TRABD2B: variants seen among roughly 807,000 people sequenced by gnomAD.
The protein encoded by TRABD2B is TraB domain containing 2B.
A neutral mutation model predicts 40.1 loss-of-function variants in TRABD2B; 14 were observed. The ratio of observed to expected loss-of-function variants is 0.35; its 90% confidence interval spans 0.23 to 0.55. The LOEUF is 0.55. Among genes scored for constraint, TRABD2B ranks in the 20% least tolerant of loss-of-function variants. The pLI, the probability that TRABD2B is intolerant of heterozygous loss-of-function variation, is 0.90. For missense variants in TRABD2B, 541 were observed against 648.6 expected (o/e 0.83, Z 1.80); for synonymous variants, 263 against 277.0 (o/e 0.95, Z 0.50).
intron 2 of TRABD2B, among the ~76,000 whole-genome samples, chr1:47,953,503 C>T (rs185383661): frequency 1.3e-4 from 20 of 152,224 alleles, no homozygotes; most frequent in East Asian, 1.9e-4. Context: ...CTAAAAGCTC[C>T]GTCCTACCAT....
At chr1:47,815,012 G>C (rs1005549860) in intron 2 of TRABD2B, among the ~76,000 whole-genome samples, 2 of 152,148 alleles carry the variant, frequency 1.3e-5, no homozygotes, top group African/African-American at 2.4e-5. Context: ...GCCCCAGAGA[G>C]GGCAGCAAAG....
At chr1:47,962,089 C>G (rs190497495) in intron 2 of TRABD2B, among the ~76,000 whole-genome samples, 1 of 152,158 alleles carries the variant, frequency 6.6e-6, no homozygotes, top group East Asian at 1.9e-4. Context: ...TGGAAACCAT[C>G]ATTCTCAGCA....
In TRABD2B at chr1:47,914,273, C is replaced by A. The variant is rs557602213; in HGVS notation, c.666+79761G>T. Among the ~76,000 whole-genome samples, 573 of 152,358 alleles carry A rather than the reference C, an allele frequency of 3.8e-3. 3 individuals carry two copies. Among genetic ancestry groups the A allele is most frequent in the African/African-American group, 0.013 (551 of 41,592 alleles). ...TGGTTGAGAACTAGCCCAGGGAATG[C>A]AAGCATTGCGCAGACACAAGAGTAG... On this transcript the variant is annotated intron_variant, in intron 2 of 6. Coordinates refer to ENST00000606738, the MANE Select transcript of TRABD2B (RefSeq NM_001194986.2).
intron 2 of TRABD2B, among the ~76,000 whole-genome samples, chr1:47,987,031 A>G (rs1365867256): frequency 2.6e-5 from 4 of 152,304 alleles, no homozygotes; most frequent in East Asian, 1.9e-4. Context: ...TCACGCCGGC[A>G]TTCTTGTTTC....
chr1:47,860,753 C>T (rs181025832), intron 2 of TRABD2B, among the ~76,000 whole-genome samples: 1 of 152,250 alleles, frequency 6.6e-6, no homozygotes, highest in Admixed American at 6.5e-5. Context: ...TGCCATTCTA[C>T]AGTAATGAGT....
intron 2 of TRABD2B, among the ~76,000 whole-genome samples, chr1:47,961,139 TG>T (rs1311589831): frequency 6.6e-6 from 1 of 152,184 alleles, no homozygotes; most frequent in African/African-American, 2.4e-5. Context: ...TAAATGGTGC[TG>T]GGAAAACTGG....
chr1:47,851,139 GAGA>G (rs1356893713), intron 2 of TRABD2B, among the ~76,000 whole-genome samples: 1 of 152,080 alleles, frequency 6.6e-6, no homozygotes, highest in Non-Finnish European at 1.5e-5. Flanking sequence ...TGTTCTACCT[GAGA>G]AGGAGGGCAG....
rs550633152 is a variant in TRABD2B, at chr1:47,950,942, G to A, written c.666+43092C>T. Among the ~76,000 whole-genome samples, 21 of 152,340 alleles carry A rather than the reference G, an allele frequency of 1.4e-4. No homozygotes were observed. The East Asian group carries it at 3.9e-3, about 28-fold the overall frequency. On this transcript the variant is annotated intron_variant, in intron 2 of 6. Coordinates refer to ENST00000606738, the MANE Select transcript of TRABD2B (RefSeq NM_001194986.2). ...ACCTGGGACCTGAACCCTTGGGCCT[G>A]CTTCCAGTAGAGAAGAGGGTTTCAT...
intron 2 of TRABD2B, chr1:47,819,149 T>TAGGGCACAGGGCC (rs1342308328): frequency 2.6e-5 from 4 of 152,312 alleles, no homozygotes; most frequent in Non-Finnish European, 5.9e-5. Flanking sequence ...CTAGCAGGGC[T>TAGGGCACAGGGCC]AGGGCACAGG....
At chr1:47,931,119 G>C (rs1645034583) in intron 2 of TRABD2B, among the ~76,000 whole-genome samples, 1 of 152,224 alleles carries the variant, frequency 6.6e-6, no homozygotes, top group Non-Finnish European at 1.5e-5. Flanking sequence ...ACATAGAAGA[G>C]ATCAGAACAA....
intron 4 of TRABD2B, among the ~76,000 whole-genome samples, chr1:47,785,527 G>A (rs1007974881): frequency 5.3e-5 from 8 of 152,220 alleles, no homozygotes; most frequent in African/African-American, 1.4e-4. Flanking sequence ...CATGAACAGC[G>A]CAAAGATGGT....
intron 4 of TRABD2B, among the ~76,000 whole-genome samples, chr1:47,791,366 T>C (rs1644669631): frequency 1.3e-5 from 2 of 152,190 alleles, no homozygotes; most frequent in South Asian, 2.1e-4. Flanking sequence ...GGGGGTCATA[T>C]GTTTCTATTT....
intron 4 of TRABD2B, among the ~76,000 whole-genome samples, chr1:47,781,709 C>T (rs2124116087): frequency 6.6e-6 from 1 of 152,340 alleles, no homozygotes; most frequent in Middle Eastern, 3.4e-3. Flanking sequence ...AGAATGGTCA[C>T]CTCCACCCAG....
chr1:47,905,513 C>T (rs1226391457), intron 2 of TRABD2B, among the ~76,000 whole-genome samples: 1 of 152,204 alleles, frequency 6.6e-6, no homozygotes, highest in Non-Finnish European at 1.5e-5. Context: ...TAGCACCCTA[C>T]ATCTACATGG....
rs1644764175 is a variant in TRABD2B, at chr1:47,911,621, TGC to T, written c.666+82411_666+82412del. ...CCTGGACATGGGTCCCACATGGTCC[TGC>T]TCCAGGAGGAGCTTATGGGCTATTG... On this transcript the variant is annotated intron_variant, in intron 2 of 6. Transcript: ENST00000606738. 2.0e-5 allele frequency among the ~76,000 whole-genome samples: 3 copies of T among 152,348 alleles called. No homozygotes were observed. In the South Asian group the frequency reaches 6.2e-4, roughly 32 times the overall value.
intron 2 of TRABD2B, among the ~76,000 whole-genome samples, chr1:47,812,294 CG>C (rs1167365605): frequency 6.6e-6 from 1 of 152,098 alleles, no homozygotes; most frequent in Non-Finnish European, 1.5e-5. Context: ...ACGGAAGGCA[CG>C]GGTAATTATA....
chr1:47,997,226 C>T lies in TRABD2B; in HGVS notation c.-437G>A. 2.0e-6 allele frequency: 2 copies of T among 982,392 alleles called. No homozygotes were observed. The highest frequency in any genetic ancestry group is 2.4e-6 in the Non-Finnish European group (2 of 828,908). 60.9% of individuals were successfully genotyped at this position (982,392 alleles called of 1,614,324 possible). A position where few individuals can be genotyped will look rare whatever the true frequency, so the allele number is the denominator to read the frequency against. On this transcript the variant is annotated 5_prime_UTR_variant, in exon 1 of 7. Transcript: ENST00000606738. ...CAGGGGTGCGCGGCGCTCCAGGAGGCGCGCAGTGGGACAAGTGCGGCGGAA... is the reference window on the plus strand; with the variant it reads ...CAGGGGTGCGCGGCGCTCCAGGAGGTGCGCAGTGGGACAAGTGCGGCGGAA...
At chr1:47,982,419 T>C (rs980676323) in intron 2 of TRABD2B, among the ~76,000 whole-genome samples, 2 of 152,164 alleles carry the variant, frequency 1.3e-5, no homozygotes, top group African/African-American at 4.8e-5. Flanking sequence ...GTAAATACTG[T>C]TGTGAGCACC....
At chr1:47,953,123 G>A (rs1332524783) in intron 2 of TRABD2B, among the ~76,000 whole-genome samples, 1 of 152,128 alleles carries the variant, frequency 6.6e-6, no homozygotes, top group Middle Eastern at 3.2e-3. Flanking sequence ...GTGCATAATT[G>A]AAAAATGCCA....
Sources: allele counts gnomAD v4.1 joint callset (sites outside exome capture counted in the v4.1 genomes callset), GRCh38; gene constraint gnomAD v4.1.1; transcripts MANE v1.5; gene names NCBI Gene and HGNC (gene_info 2026-07-23, HGNC 2026-07-21).